GPC6: variants seen among roughly 807,000 people sequenced by gnomAD.
GPC6 encodes glypican 6.
In GPC6, 14 loss-of-function variants were observed where a neutral mutation model predicts 55.2. The ratio of observed to expected loss-of-function variants is 0.25; its 90% confidence interval spans 0.17 to 0.40. The LOEUF (loss-of-function observed/expected upper bound fraction) is 0.40. Among genes scored for constraint, GPC6 ranks in the 10% least tolerant of loss-of-function variants. The probability of loss-of-function intolerance (pLI) is 1.00; values close to 1 mark genes in which losing one functional copy is unlikely to be tolerated. For synonymous variants in GPC6, 278 were observed against 259.6 expected (o/e 1.07, Z -0.68); for missense variants, 641 against 708.5 (o/e 0.90, Z 1.08).
intron 3 of GPC6, among the ~76,000 whole-genome samples, chr13:93,931,484 G>T (rs149410825): frequency 6.6e-6 from 1 of 151,306 alleles, no homozygotes; most frequent in Admixed American, 6.6e-5. Context: ...TGGGCCAGGC[G>T]TAGTGGCTCA....
At chr13:93,794,044 T>A (rs1886126687) in intron 2 of GPC6, among the ~76,000 whole-genome samples, 1 of 152,164 alleles carries the variant, frequency 6.6e-6, no homozygotes, top group South Asian at 2.1e-4. Flanking sequence ...GTACTGCAAA[T>A]GAAAATCTTG....
intron 6 of GPC6, among the ~76,000 whole-genome samples, chr13:94,347,657 G>A (rs1280542559): frequency 1.3e-5 from 2 of 152,222 alleles, no homozygotes; most frequent in Non-Finnish European, 2.9e-5. Flanking sequence ...GCCATTGGAA[G>A]TAAGGTCTTT....
intron 2 of GPC6, among the ~76,000 whole-genome samples, chr13:93,766,946 A>G (rs1885145874): frequency 6.6e-6 from 1 of 152,150 alleles, no homozygotes; most frequent in Non-Finnish European, 1.5e-5. Flanking sequence ...AATGGATTAA[A>G]AAACAAAACA....
intron 4 of GPC6, among the ~76,000 whole-genome samples, chr13:94,056,267 A>G (rs1884131876): frequency 6.6e-6 from 1 of 151,798 alleles, no homozygotes; most frequent in South Asian, 2.1e-4. Context: ...TATTCCCCCC[A>G]CTTCACCACC....
intron 3 of GPC6, among the ~76,000 whole-genome samples, chr13:93,875,034 A>G (rs984998316): frequency 3.3e-5 from 5 of 151,920 alleles, no homozygotes; most frequent in Non-Finnish European, 7.4e-5. Context: ...TTCTCAAAAG[A>G]GAGAGAGAGA....
At chr13:93,389,792 G>GA (rs1041052680) in intron 1 of GPC6, among the ~76,000 whole-genome samples, 121 of 148,834 alleles carry the variant, frequency 8.1e-4, no homozygotes, top group African/African-American at 2.4e-3. Flanking sequence ...TCTACCATCA[G>GA]AAAAAAAAAC....
intron 6 of GPC6, 34 bp downstream of exon 6, chr13:94,306,157 G>A (rs766159145): frequency 3.5e-5 from 56 of 1,612,938 alleles, no homozygotes; most frequent in Non-Finnish European, 4.6e-5. Flanking sequence ...CATGGCGGAT[G>A]CTTTGTTTTA....
chr13:93,709,590 G>A (rs1284517457), intron 2 of GPC6, among the ~76,000 whole-genome samples: 1 of 151,698 alleles, frequency 6.6e-6, no homozygotes, highest in Non-Finnish European at 1.5e-5. Flanking sequence ...AAATTCTGTT[G>A]TCAATTACTT....
chr13:93,913,243 C>T (rs1877104310), intron 3 of GPC6, among the ~76,000 whole-genome samples: 1 of 152,182 alleles, frequency 6.6e-6, no homozygotes, highest in Non-Finnish European at 1.5e-5. Context: ...CTGTATGTCT[C>T]TGCTCTGTTG....
intron 1 of GPC6, among the ~76,000 whole-genome samples, chr13:93,513,581 C>T (rs1881066659): frequency 6.6e-6 from 1 of 152,020 alleles, no homozygotes; most frequent in Non-Finnish European, 1.5e-5. Flanking sequence ...TATAATGCAC[C>T]AGAGATATTC....
At chr13:94,226,919 G>A (rs536061923) in intron 4 of GPC6, among the ~76,000 whole-genome samples, 2 of 152,252 alleles carry the variant, frequency 1.3e-5, no homozygotes, top group East Asian at 3.9e-4. Flanking sequence ...CCCAAGGAAA[G>A]ATGCCATGAA....
At chr13:93,413,237 G>A (rs1434363815) in intron 1 of GPC6, among the ~76,000 whole-genome samples, 8 of 152,080 alleles carry the variant, frequency 5.3e-5, no homozygotes, top group South Asian at 2.1e-4. Context: ...TCTAGCAGAT[G>A]GTAAACTCCA....
chr13:94,251,784 G>T (rs1434716450), intron 4 of GPC6, among the ~76,000 whole-genome samples: 2 of 151,704 alleles, frequency 1.3e-5, no homozygotes, highest in Non-Finnish European at 2.9e-5. Context: ...GCTAAGGGAT[G>T]CTATCTTTTT....
intron 2 of GPC6, among the ~76,000 whole-genome samples, chr13:93,622,878 G>C (rs980894233): frequency 6.6e-6 from 1 of 151,992 alleles, no homozygotes; most frequent in South Asian, 2.1e-4. Context: ...TTGTAATTCT[G>C]TACCCATTAA....
At chr13:93,937,829 T>C (rs961592059) in intron 3 of GPC6, among the ~76,000 whole-genome samples, 25 of 152,204 alleles carry the variant, frequency 1.6e-4, no homozygotes, top group Non-Finnish European at 3.2e-4. Flanking sequence ...TCCTTCTGCC[T>C]TGGCCTCCCA....
At position 94,325,206 on chromosome 13, in the gene GPC6, T is replaced by C. The variant is rs904729506; in HGVS notation, c.1152+19083T>C. On this transcript the variant is annotated intron_variant, in intron 6 of 8. Coordinates refer to ENST00000377047, the MANE Select transcript of GPC6 (RefSeq NM_005708.5). ...GAGAAGAGAAGAAAGAAGAAAGATA[T>C]GTTCCTTTCTGACACCAGGACTATT... Among the ~76,000 whole-genome samples, 7 of 144,866 alleles carry C rather than the reference T, an allele frequency of 4.8e-5. No homozygotes were observed. In the East Asian group the frequency reaches 1.2e-3, roughly 24 times the overall value.
intron 4 of GPC6, among the ~76,000 whole-genome samples, chr13:94,136,326 A>G (rs1887183789): frequency 6.6e-6 from 1 of 152,170 alleles, no homozygotes; most frequent in Non-Finnish European, 1.5e-5. Context: ...TAGAGAATAC[A>G]GTACAAGAGA....
chr13:93,829,623 C>G (rs1887404196), intron 2 of GPC6, among the ~76,000 whole-genome samples: 1 of 152,102 alleles, frequency 6.6e-6, no homozygotes, highest in Non-Finnish European at 1.5e-5. Context: ...TTATGAATAT[C>G]TGAACATTGC....
chr13:93,414,302 A>G (rs563501793), intron 1 of GPC6, among the ~76,000 whole-genome samples: 10 of 152,260 alleles, frequency 6.6e-5, no homozygotes, highest in Non-Finnish European at 8.8e-5. Context: ...TTCTCCATCA[A>G]TTCTACACAG....
Sources: gnomAD v4.1 joint callset for allele counts (sites outside exome capture counted in the v4.1 genomes callset) on GRCh38, gnomAD v4.1.1 for gene constraint, MANE v1.5 for transcripts, NCBI Gene and HGNC (gene_info 2026-07-23, HGNC 2026-07-21) for gene names.